The following PRKN variants were observed in gnomAD, a reference collection of about 807,000 sequenced individuals.
The protein encoded by PRKN is parkin RBR E3 ubiquitin protein ligase.
Under a neutral mutation model 59.5 loss-of-function variants are expected in PRKN, and 56 were observed. That is an observed-to-expected ratio of 0.94 (90% CI 0.76 to 1.18). PRKN has a LOEUF of 1.18. Among genes scored for constraint, PRKN ranks in the 50% most tolerant of loss-of-function variants. The pLI is 0.00. For synonymous variants in PRKN, 250 were observed against 222.1 expected (o/e 1.13, Z -1.12); for missense variants, 657 against 596.4 (o/e 1.10, Z -1.06).
At chr6:162,438,316 T>C (rs1789881707) in intron 2 of PRKN, among the ~76,000 whole-genome samples, 1 of 152,194 alleles carries the variant, frequency 6.6e-6, no homozygotes. Flanking sequence ...TCTAACATAA[T>C]TTAGAAAACT....
At chr6:161,722,618 C>T (rs988243267) in intron 7 of PRKN, among the ~76,000 whole-genome samples, 1 of 152,228 alleles carries the variant, frequency 6.6e-6, no homozygotes, top group Non-Finnish European at 1.5e-5. Context: ...TTCTGCCCCA[C>T]GAAGTTGATC....
Position 161,579,714 on chromosome 6 carries a change from G to A in PRKN, c.872-10298C>T, listed in dbSNP as rs1169746375. ...ATGGACACAATTCCTTAAAAATGAGGTAAAGAGAGGGGCTGGGGGTAAAGT... is the reference window on the plus strand; with the variant it reads ...ATGGACACAATTCCTTAAAAATGAGATAAAGAGAGGGGCTGGGGGTAAAGT... On this transcript the variant is annotated intron_variant, in intron 7 of 11. Coordinates refer to ENST00000366898, the MANE Select transcript of PRKN (RefSeq NM_004562.3). The surrounding 1 kb of genome is among the most constrained non-coding windows in gnomAD (Gnocchi z 4.2). Among the ~76,000 whole-genome samples the A allele has an allele frequency of 6.6e-6, 1 of 151,662 alleles. No homozygotes were observed. Among genetic ancestry groups the A allele is most frequent in the Non-Finnish European group, 1.5e-5 (1 of 68,000 alleles).
intron 7 of PRKN, among the ~76,000 whole-genome samples, chr6:161,642,735 C>A (rs1236736215): frequency 6.6e-6 from 1 of 151,984 alleles, no homozygotes; most frequent in East Asian, 1.9e-4. Context: ...AAAGAAAAGC[C>A]AAAATAAGAA....
chr6:162,014,323 G>A (rs1044904186), intron 5 of PRKN, among the ~76,000 whole-genome samples: 5 of 152,120 alleles, frequency 3.3e-5, no homozygotes, highest in Admixed American at 6.5e-5. Flanking sequence ...CAGAGCCCCC[G>A]GCCAGTCAGG....
intron 4 of PRKN, among the ~76,000 whole-genome samples, chr6:162,135,414 A>C (rs1481069805): frequency 6.6e-6 from 1 of 152,232 alleles, no homozygotes; most frequent in African/African-American, 2.4e-5. Context: ...AATTAGAACA[A>C]CAGTAAATTA....
intron 4 of PRKN, among the ~76,000 whole-genome samples, chr6:162,066,469 T>C (rs758106129): frequency 3.3e-5 from 5 of 152,170 alleles, no homozygotes; most frequent in Admixed American, 6.5e-5. Flanking sequence ...GGAAACTGAG[T>C]TCCTAATGCA....
intron 9 of PRKN, among the ~76,000 whole-genome samples, chr6:161,536,467 G>A (rs1779419046): frequency 6.6e-6 from 1 of 152,032 alleles, no homozygotes; most frequent in Admixed American, 6.6e-5. Flanking sequence ...GGGGGAGATG[G>A]CCGTCAGGAG....
chr6:162,583,641 T>C (rs1780878842), intron 1 of PRKN, among the ~76,000 whole-genome samples: 1 of 152,164 alleles, frequency 6.6e-6, no homozygotes, highest in Admixed American at 6.5e-5. Context: ...CTGTTTATGC[T>C]TTTCCTCTCC....
rs1447417925 is a variant in PRKN at position 162,459,132 on chromosome 6, T to A, written c.8-15659A>T. Reference sequence around the variant, plus strand: ...ACCGTGCCTGGCCAGAAATAAACGTTTTTATTGTGAGCCAACAGAAATTAC... The same window carrying A: ...ACCGTGCCTGGCCAGAAATAAACGTATTTATTGTGAGCCAACAGAAATTAC... On this transcript the variant is annotated intron_variant, in intron 1 of 11. Coordinates refer to ENST00000366898, the MANE Select transcript of PRKN (RefSeq NM_004562.3). Among the ~76,000 whole-genome samples, 2 of 152,138 alleles carry A rather than the reference T, an allele frequency of 1.3e-5. 1 individual carries two copies. Among genetic ancestry groups the A allele is most frequent in the Non-Finnish European group, 2.9e-5 (2 of 68,020 alleles).
intron 9 of PRKN, among the ~76,000 whole-genome samples, chr6:161,520,479 C>T (rs1778780854): frequency 6.6e-6 from 1 of 152,018 alleles, no homozygotes; most frequent in Non-Finnish European, 1.5e-5. Flanking sequence ...CCACCCACCT[C>T]GGCCTTTCAA....
At chr6:162,263,895 AC>A (rs2128100645) in intron 2 of PRKN, among the ~76,000 whole-genome samples, 1 of 151,088 alleles carries the variant, frequency 6.6e-6, no homozygotes, top group African/African-American at 2.4e-5. Context: ...CACCCCCCCA[AC>A]CAAAAAATAA....
At chr6:162,057,026 C>A (rs555709565) in intron 4 of PRKN, among the ~76,000 whole-genome samples, 68 of 152,194 alleles carry the variant, frequency 4.5e-4, no homozygotes, top group Non-Finnish European at 7.4e-4. Flanking sequence ...GACAGCAAGT[C>A]CTGCAGGCTC....
intron 4 of PRKN, among the ~76,000 whole-genome samples, chr6:162,177,324 T>C (rs1031997790): frequency 6.6e-6 from 1 of 152,188 alleles, no homozygotes; most frequent in African/African-American, 2.4e-5. Context: ...CTTATTTCTA[T>C]GTGTGAGTGT....
chr6:161,864,788 C>T (rs1257878785), intron 6 of PRKN, among the ~76,000 whole-genome samples: 4 of 120,874 alleles, frequency 3.3e-5, no homozygotes, highest in African/African-American at 1.4e-4. Flanking sequence ...TCCTGAGTAG[C>T]TGGGATTACA....
At chr6:161,672,586 G>A (rs1256203299) in intron 7 of PRKN, among the ~76,000 whole-genome samples, 1 of 152,110 alleles carries the variant, frequency 6.6e-6, no homozygotes, top group Non-Finnish European at 1.5e-5. Context: ...GACCAGCCTG[G>A]ACAACATGGT....
intron 2 of PRKN, among the ~76,000 whole-genome samples, chr6:162,334,062 G>A (rs1783716893): frequency 1.3e-5 from 2 of 152,184 alleles, no homozygotes; most frequent in South Asian, 4.1e-4. Flanking sequence ...TACGAAGGCT[G>A]AGAGAGGTCA....
intron 2 of PRKN, among the ~76,000 whole-genome samples, chr6:162,376,274 G>A (rs1562712864): frequency 1.3e-5 from 2 of 151,998 alleles, no homozygotes; most frequent in African/African-American, 4.8e-5. Flanking sequence ...CCTAGAATAC[G>A]CTGAATTTAG....
rs367720292 is a variant in PRKN at position 161,487,560 on chromosome 6, T to C, written c.1083+61294A>G. On this transcript the variant is annotated intron_variant, in intron 9 of 11. Transcript: ENST00000366898. This position sits in a 1 kb window ranked among gnomAD's most constrained non-coding sequence, Gnocchi z 5.3. ...TTTTGTAGACCATCTTATTCACATT[T>C]TGATGGTCGCTTAGGTAAACTAAGA... Among the ~76,000 whole-genome samples the C allele has an allele frequency of 6.6e-6, 1 of 152,330 alleles. No homozygotes were observed. The highest frequency in any genetic ancestry group is 1.9e-4 in the East Asian group (1 of 5,188).
At chr6:161,758,805 C>T (rs1789060225) in intron 7 of PRKN, among the ~76,000 whole-genome samples, 2 of 152,298 alleles carry the variant, frequency 1.3e-5, no homozygotes, top group South Asian at 4.1e-4. Context: ...GAAATTCAGT[C>T]TCAGGTCTGT....
Sources: allele counts gnomAD v4.1 joint callset (sites outside exome capture counted in the v4.1 genomes callset), GRCh38; gene constraint gnomAD v4.1.1; non-coding constraint Gnocchi (gnomAD v3.1); transcripts MANE v1.5; gene names NCBI Gene and HGNC (gene_info 2026-07-23, HGNC 2026-07-21).